PLK1: variants seen among roughly 807,000 people sequenced by gnomAD.
The protein encoded by PLK1 is serine/threonine-protein kinase PLK1.
PLK1 carries 6 observed loss-of-function variants against 56.7 expected under a neutral mutation model. That is an observed-to-expected ratio of 0.11 (90% CI 0.06 to 0.21). The LOEUF (loss-of-function observed/expected upper bound fraction) is 0.21. Ranked by LOEUF, PLK1 falls within the 10% of genes least tolerant of loss-of-function variation. The pLI is 1.00. For missense variants in PLK1, 546 were observed against 814.4 expected (o/e 0.67, Z 4.01); for synonymous variants, 298 against 325.0 (o/e 0.92, Z 0.89).
At chr16:23,681,784 A>G (rs549474704) in intron 3 of PLK1, among the ~76,000 whole-genome samples, 29 of 152,182 alleles carry the variant, frequency 1.9e-4, no homozygotes, top group Non-Finnish European at 3.2e-4. Flanking sequence ...GCAGCATCTG[A>G]GGCCCTTGCA....
intron 6 of PLK1, 27 bp from the exon 7 acceptor site, chr16:23,688,641 C>T (rs1567240463): frequency 1.3e-6 from 2 of 1,583,228 alleles, no homozygotes; most frequent in Non-Finnish European, 1.7e-6. Context: ...TCCTGACCAA[C>T]TAACTGTCTG....
intron 4 of PLK1, 51 bp downstream of exon 4, chr16:23,682,208 GTTTAT>G: frequency 5.8e-6 from 6 of 1,026,530 alleles, no homozygotes; most frequent in Non-Finnish European, 3.1e-6. Context: ...CCCAGAAGCT[GTTTAT>G]GGAGCCCAGC....
Position 23,678,948 on chromosome 16 carries a change from A to G in PLK1, c.16A>G (p.Thr6Ala), listed in dbSNP as rs1423596323. 6.4e-7 allele frequency: 1 copy of G among 1,562,384 alleles called. No individual in the cohort carries two copies. The highest frequency in any genetic ancestry group is 1.9e-5 in the Admixed American group (1 of 53,302). Residue 6 changes from threonine to alanine, a missense_variant, in exon 1 of 10, where the codon ACT (threonine) becomes GCT (alanine). Thr to Ala is a moderately conservative substitution (Grantham distance 58). Coordinates refer to ENST00000300093, the MANE Select transcript of PLK1 (RefSeq NM_005030.6). The part of the protein sequence containing the change: MSAAV[T>A]AGKLARAPAD... ...CTTCGGGAGCATGAGTGCTGCAGTGACTGCAGGGAAGCTGGCACGGGCACC... is the reference window on the plus strand; with the variant it reads ...CTTCGGGAGCATGAGTGCTGCAGTGGCTGCAGGGAAGCTGGCACGGGCACC...
intron 3 of PLK1, 47 bp downstream of exon 3, chr16:23,681,105 A>G (rs1219437251): frequency 6.4e-7 from 1 of 1,559,356 alleles, no homozygotes; most frequent in Non-Finnish European, 8.8e-7. Context: ...AGCAGGGGCA[A>G]CTTTGGGACA....
intron 5 of PLK1, among the ~76,000 whole-genome samples, chr16:23,686,658 T>G (rs1254779045): frequency 6.6e-6 from 1 of 152,002 alleles, no homozygotes; most frequent in Non-Finnish European, 1.5e-5. Flanking sequence ...GTCCAGCTAG[T>G]TTCTGTATTT....
chr16:23,681,122 CT>C, intron 3 of PLK1, 64 bp downstream of exon 3: 1 of 1,445,296 alleles, frequency 6.9e-7, no homozygotes, highest in Non-Finnish European at 9.6e-7. Context: ...GACATCCTAC[CT>C]GGCTGACCTT....
Position 23,678,990 on chromosome 16 carries a change from G to T in PLK1, c.58G>T (p.Ala20Ser). 6.2e-7 allele frequency: 1 copy of T among 1,600,760 alleles called. No homozygotes were observed. The highest frequency in any genetic ancestry group is 8.5e-7 in the Non-Finnish European group (1 of 1,174,252). Residue 20 changes from alanine (A) to serine (S), a missense_variant, in exon 1 of 10, where the codon GCC becomes TCC. Ala to Ser is a moderately conservative substitution (Grantham distance 99, BLOSUM62 1). This residue lies in a region of PLK1 where 72 missense variants were observed against 63.7 expected (regional missense o/e 1.13). Coordinates refer to ENST00000300093, the MANE Select transcript of PLK1 (RefSeq NM_005030.6). The part of the protein sequence containing the change: ...LARAPADPGK[A>S]GVPGVAAPGA... ...ACGGGCACCGGCCGACCCTGGGAAAGCCGGGGTCCCCGGAGTTGCAGCTCC... is the reference window on the plus strand; with the variant it reads ...ACGGGCACCGGCCGACCCTGGGAAATCCGGGGTCCCCGGAGTTGCAGCTCC...
chr16:23,683,140 G>C (rs1959365467), intron 4 of PLK1, among the ~76,000 whole-genome samples: 1 of 151,930 alleles, frequency 6.6e-6, no homozygotes, highest in Non-Finnish European at 1.5e-5. Context: ...ACAGGCACCA[G>C]CCACCATGCC....
intron 5 of PLK1, chr16:23,686,959 CTG>C (rs1567240009): frequency 2.0e-5 from 3 of 152,302 alleles, no homozygotes; most frequent in South Asian, 2.1e-4. Context: ...TAAGAATAAT[CTG>C]TGTTTCTACT....
At chr16:23,687,695 C>A in intron 6 of PLK1, 71 bp downstream of exon 6, 1 of 1,198,952 alleles carries the variant, frequency 8.3e-7, no homozygotes, top group Non-Finnish European at 1.2e-6. Context: ...GGAGGCTTGG[C>A]CAACAAAGCA....
intron 5 of PLK1, among the ~76,000 whole-genome samples, chr16:23,684,957 CTTTTTTTTTTTTTTTTTTTTTTTT>C (rs71154221): frequency 1.5e-3 from 83 of 56,948 alleles, no homozygotes; most frequent in Non-Finnish European, 2.0e-3. Flanking sequence ...CAGGCCCGGC[CTTTTTTTTTTTTTTTTTTTTTTTT>C]TTTTTTTTTT....
chr16:23,680,381 C>A, intron 2 of PLK1, 129 bp downstream of exon 2: 1 of 673,350 alleles, frequency 1.5e-6, no homozygotes, highest in Non-Finnish European at 2.5e-6. Context: ...TTTTTTTGTG[C>A]CCCAATGCAA....
At position 23,689,777 on chromosome 16, in the gene PLK1, C is replaced by G. The variant is rs1414434041; in HGVS notation, c.1609-83C>G. On this transcript the variant is annotated intron_variant, in intron 9 of 9. Coordinates refer to ENST00000300093, the MANE Select transcript of PLK1 (RefSeq NM_005030.6). The surrounding 1 kb of genome is among the most constrained non-coding windows in gnomAD (Gnocchi z 4.8). ...AATGTGGAGTGAGCGGCTCAGGTAC[C>G]TATAACCTGTTGTGTCTTCCCTCTA... 5.2e-5 allele frequency: 79 copies of G among 1,522,724 alleles called. No homozygotes were observed. Among genetic ancestry groups the G allele is most frequent in the Non-Finnish European group, 7.1e-5 (79 of 1,105,272 alleles). The allele number at this position is 1,522,724 out of a possible 1,614,324, so 94.3% of individuals were successfully genotyped here. A position where few individuals can be genotyped will look rare whatever the true frequency, so the allele number is the denominator to read the frequency against.
At chr16:23,688,837 A>G (rs1959476898) in intron 7 of PLK1, 92 bp downstream of exon 7, 2 of 895,328 alleles carry the variant, frequency 2.2e-6, no homozygotes, top group Admixed American at 1.7e-5. Context: ...GCTCCCAGGT[A>G]CTGTTCTCAG....
In PLK1 at chr16:23,689,535, C is replaced by T; in HGVS notation, c.1467C>T (p.His489=). 1 of 1,613,412 alleles carries T rather than the reference C, an allele frequency of 6.2e-7. No individual in the cohort carries two copies. Residue 489 remains histidine (H), a synonymous_variant, in exon 9 of 10, where the codon CAC becomes CAT. Coordinates refer to ENST00000300093, the MANE Select transcript of PLK1 (RefSeq NM_005030.6). This position sits in a 1 kb window ranked among gnomAD's most constrained non-coding sequence, Gnocchi z 4.8. ...LKYFRNYMSE[H]LLKAGANITP... ...ATTTCCGCAATTACATGAGCGAGCA[C>T]TTGCTGAAGGCAGGTGCCAACATCA... is the stretch of plus-strand genomic sequence containing the variant.
chr16:23,679,673 A>T (rs1959300559), intron 1 of PLK1: 1 of 253,756 alleles, frequency 3.9e-6, no homozygotes, highest in African/African-American at 2.4e-5. Context: ...CAGGTTAGTG[A>T]TGCCGCGCCC....
intron 6 of PLK1, 75 bp downstream of exon 6, chr16:23,687,699 C>T: frequency 1.7e-6 from 2 of 1,150,566 alleles, no homozygotes; most frequent in Admixed American, 4.8e-5. Flanking sequence ...GCTTGGCCAA[C>T]AAAGCACTGG....
In PLK1 at chr16:23,690,317, C is replaced by T. The variant is rs570733642; in HGVS notation, c.*254C>T. On this transcript the variant is annotated 3_prime_UTR_variant, in exon 10 of 10. Transcript: ENST00000300093. Reference sequence around the variant, plus strand: ...TTGTACAGAATATTTCTATTGAATTCGGAACTGTCCTTTCCTTGGCTTTAT... The same window carrying T: ...TTGTACAGAATATTTCTATTGAATTTGGAACTGTCCTTTCCTTGGCTTTAT... 111 of 575,128 alleles carry T rather than the reference C, an allele frequency of 1.9e-4. 1 individual carries two copies. The Middle Eastern group carries it at 3.9e-3, about 20-fold the overall frequency. 35.6% of individuals were successfully genotyped at this position (575,128 alleles called of 1,614,324 possible).
rs761909403 is a variant in PLK1, at chr16:23,682,049, A to G, written c.723-15A>G. The stretch of plus-strand genomic sequence containing the variant: ...GGCTGGGAGACTGGTGCCAAATCCT[A>G]CCTTGTGCTTACAGGTATACCTTGT... On this transcript the variant is annotated splice_polypyrimidine_tract_variant and intron_variant, in intron 3 of 9. Transcript: ENST00000300093. The G allele has an allele frequency of 6.9e-7, 1 of 1,454,134 alleles. No individual in the cohort carries two copies. The highest frequency in any genetic ancestry group is 9.7e-7 in the Non-Finnish European group (1 of 1,034,900). 90.1% of individuals were successfully genotyped at this position (1,454,134 alleles called of 1,614,324 possible). A position where few individuals can be genotyped will look rare whatever the true frequency, so the allele number is the denominator to read the frequency against.
Sources: allele counts gnomAD v4.1 joint callset (sites outside exome capture counted in the v4.1 genomes callset), GRCh38; gene constraint gnomAD v4.1.1; regional missense constraint gnomAD v4.1.1; non-coding constraint Gnocchi (gnomAD v3.1); transcripts MANE v1.5; gene names NCBI Gene and HGNC (gene_info 2026-07-23, HGNC 2026-07-21).